Variants in SYNE2 observed in about 807,000 individuals in gnomAD.
The protein encoded by SYNE2 is nesprin-2.
Under a neutral mutation model 856.3 loss-of-function variants are expected in SYNE2, and 431 were observed. The observed-to-expected ratio is 0.50, with a 90% CI of 0.47 to 0.55. The LOEUF is 0.55. Among genes scored for constraint, SYNE2 ranks in the 20% least tolerant of loss-of-function variants. The probability of loss-of-function intolerance (pLI) is 0.00; values close to 1 mark genes in which losing one functional copy is unlikely to be tolerated. For missense variants in SYNE2, 8,129 were observed against 8,023.2 expected, an observed-to-expected ratio of 1.01 and a Z score of -0.50; for synonymous variants, 2,923 against 2,872.3, an observed-to-expected ratio of 1.02 and a Z score of -0.56.
rs954385672 is a variant in SYNE2, at chr14:64,209,505, A to G, written c.18467A>G (p.Glu6156Gly). The part of the protein sequence containing the change: ...SRFEDWLKSA[E>G]RTAACPNSSE... ...TTTGAGGACTGGCTCAAGTCAGCTG[A>G]GAGGACGGCAGCCTGCCCAAATTCC... The change falls in exon 102 of 116, where the codon GAG (glutamate) becomes GGG (glycine). Residue 6156 changes from glutamate to glycine, a missense_variant. By Grantham distance (98) the Glu-to-Gly change is moderately conservative. Transcript: ENST00000555002. 3 of 1,614,226 alleles carry G rather than the reference A, an allele frequency of 1.9e-6. No individual in the cohort carries two copies. In the South Asian group the frequency reaches 3.3e-5, roughly 18 times the overall value.
chr14:64,154,277 T>C (rs939015851), intron 85 of SYNE2, among the ~76,000 whole-genome samples: 1 of 151,346 alleles, frequency 6.6e-6, no homozygotes, highest in Admixed American at 6.6e-5. Context: ...TTACCTAGAA[T>C]GACACCAAAA....
chr14:64,129,056 C>A (rs138606316), intron 74 of SYNE2, among the ~76,000 whole-genome samples: 1,794 of 152,288 alleles, frequency 0.012, 19 homozygotes, highest in Non-Finnish European at 0.02. Flanking sequence ...GCCTGTAATC[C>A]CAGCACCTTG....
intron 45 of SYNE2, among the ~76,000 whole-genome samples, chr14:64,039,986 T>A (rs2097135083): frequency 6.6e-6 from 1 of 152,190 alleles, no homozygotes; most frequent in Admixed American, 6.5e-5. Flanking sequence ...AGGTCTTGCA[T>A]GAGAAACCTA....
intron 96 of SYNE2, among the ~76,000 whole-genome samples, chr14:64,177,969 A>AT (rs1220337149): frequency 6.6e-6 from 1 of 152,212 alleles, no homozygotes; most frequent in Non-Finnish European, 1.5e-5. Flanking sequence ...CTTCCTGGAT[A>AT]TTTTAGGCCT....
chr14:64,101,711 A>G (rs750473173), intron 63 of SYNE2, among the ~76,000 whole-genome samples: 19 of 152,232 alleles, frequency 1.2e-4, no homozygotes, highest in Non-Finnish European at 2.2e-4. Context: ...CCCTACTTTT[A>G]AAAGTATTTT....
intron 1 of SYNE2, among the ~76,000 whole-genome samples, chr14:63,818,344 C>CAA (rs34448523): frequency 1.0e-4 from 9 of 86,518 alleles, no homozygotes; most frequent in Non-Finnish European, 1.6e-4. Context: ...GACTCCGTCT[C>CAA]AAAAAAAAAA....
chr14:63,906,918 T>C (rs1289782181), intron 1 of SYNE2, among the ~76,000 whole-genome samples: 1 of 152,232 alleles, frequency 6.6e-6, no homozygotes, highest in African/African-American at 2.4e-5. Context: ...CCTCTCAGTC[T>C]ATCCTCACAT....
In SYNE2 at chr14:64,090,978, G is replaced by A. The variant is rs563332131; in HGVS notation, c.11906G>A (p.Arg3969Gln). 2.4e-5 allele frequency: 38 copies of A among 1,614,078 alleles called. No individual in the cohort carries two copies. In the South Asian group the frequency reaches 2.5e-4, roughly 11 times the overall value. Residue 3969 changes from arginine to glutamine, a missense_variant, in exon 60 of 116, where the codon CGG becomes CAG. Coordinates refer to ENST00000555002, the MANE Select transcript of SYNE2 (RefSeq NM_182914.3). ...TGMKPLPVFQRTNQLLQDIKL... is the reference protein window; with the variant it reads ...TGMKPLPVFQQTNQLLQDIKL... ...ATGAAACCTCTGCCTGTGTTTCAGCGGACAAATCAGCTTTTACAAGATATA... is the reference window on the plus strand; with the variant it reads ...ATGAAACCTCTGCCTGTGTTTCAGCAGACAAATCAGCTTTTACAAGATATA...
chr14:63,897,958 AT>A (rs753423166), intron 1 of SYNE2, among the ~76,000 whole-genome samples: 1 of 152,234 alleles, frequency 6.6e-6, no homozygotes, highest in Non-Finnish European at 1.5e-5. Flanking sequence ...CATGGAATGC[AT>A]GGAGGAATAC....
At chr14:63,784,009 T>C (rs1887421668) in intron 1 of SYNE2, among the ~76,000 whole-genome samples, 1 of 152,236 alleles carries the variant, frequency 6.6e-6, no homozygotes, top group Non-Finnish European at 1.5e-5. Context: ...AGTTGCCCTC[T>C]ATACCTGGTA....
chr14:64,176,209 A>G (rs1227497311), intron 95 of SYNE2, among the ~76,000 whole-genome samples: 1 of 152,200 alleles, frequency 6.6e-6, no homozygotes, highest in African/African-American at 2.4e-5. Context: ...AATCGAATAT[A>G]AATACCCTAT....
chr14:63,940,412 G>A (rs2153415722), intron 2 of SYNE2, among the ~76,000 whole-genome samples: 1 of 151,908 alleles, frequency 6.6e-6, no homozygotes, highest in East Asian at 1.9e-4. Flanking sequence ...ACAAACCCAT[G>A]GTTTTAAAAA....
intron 90 of SYNE2, among the ~76,000 whole-genome samples, chr14:64,166,400 T>C (rs1935662675): frequency 6.6e-6 from 1 of 152,230 alleles, no homozygotes; most frequent in Admixed American, 6.5e-5. Context: ...AGTGGTAACT[T>C]CAATATTGTT....
chr14:63,936,588 G>T (rs2095836634), intron 2 of SYNE2, among the ~76,000 whole-genome samples: 1 of 152,180 alleles, frequency 6.6e-6, no homozygotes, highest in Non-Finnish European at 1.5e-5. Context: ...GGCCTGGGGA[G>T]TTTGAGGAAT....
At chr14:64,014,802 C>T (rs2096875051) in intron 32 of SYNE2, among the ~76,000 whole-genome samples, 1 of 151,696 alleles carries the variant, frequency 6.6e-6, no homozygotes, top group Admixed American at 6.6e-5. Context: ...TCTGCATTAA[C>T]TGACATGATT....
intron 12 of SYNE2, among the ~76,000 whole-genome samples, chr14:63,976,984 C>CAAA (rs57088694): frequency 7.5e-6 from 1 of 133,744 alleles, no homozygotes; most frequent in African/African-American, 2.7e-5. Context: ...AAAGTCTTAC[C>CAAA]AAAAAAAAAA....
chr14:64,022,794 G>A lies in SYNE2; in HGVS notation c.5568G>A (p.Val1856=), dbSNP rs779019069. ...ATGACTGGTTCAGCAACATTAAAGT[G>A]AACCTTAAGGAGTGTTTTGAATCAT... is the stretch of plus-strand genomic sequence containing the variant. The part of the protein sequence containing the change: ...NFNDWFSNIK[V]NLKECFESSE... Residue 1856 remains valine (V), a synonymous_variant, in exon 38 of 116, where the codon GTG becomes GTA. Coordinates refer to ENST00000555002, the MANE Select transcript of SYNE2 (RefSeq NM_182914.3). 9.3e-6 allele frequency: 15 copies of A among 1,611,560 alleles called. No homozygotes were observed. The highest frequency in any genetic ancestry group is 6.7e-5 in the Admixed American group (4 of 59,942).
intron 65 of SYNE2, among the ~76,000 whole-genome samples, chr14:64,110,730 A>G (rs1157198425): frequency 2.0e-5 from 3 of 152,044 alleles, no homozygotes; most frequent in African/African-American, 7.2e-5. Context: ...GAATTAAAAG[A>G]TCACAGAGCT....
Position 64,129,887 on chromosome 14 carries a change from G to A in SYNE2, c.14125G>A (p.Val4709Ile). The A allele has an allele frequency of 1.2e-6, 2 of 1,614,128 alleles. No homozygotes were observed. The highest frequency in any genetic ancestry group is 1.7e-6 in the Non-Finnish European group (2 of 1,180,024). ...LHLPYALLQEVYKLEDVLDSM... is the reference protein window; with the variant it reads ...LHLPYALLQEIYKLEDVLDSM... ...TTTACCTTATGCTTTACTCCAGGAG[G>A]TTTACAAATTAGAGGTATGCCTGAG... Residue 4709 changes from valine (V) to isoleucine (I), a missense_variant, in exon 75 of 116, where the codon GTT becomes ATT. By Grantham distance (29) the Val-to-Ile change is conservative. Transcript: ENST00000555002.
Sources: allele counts gnomAD v4.1 joint callset (sites outside exome capture counted in the v4.1 genomes callset), GRCh38; gene constraint gnomAD v4.1.1; transcripts MANE v1.5; gene names NCBI Gene and HGNC (gene_info 2026-07-23, HGNC 2026-07-21).